The following NCAN variants were observed in gnomAD, a reference collection of about 807,000 sequenced individuals.
The protein encoded by NCAN is neurocan, also known as neurocan core protein.
Under a neutral mutation model 121.8 loss-of-function variants are expected in NCAN, and 47 were observed. The ratio of observed to expected loss-of-function variants is 0.39; its 90% confidence interval spans 0.31 to 0.49. NCAN has a LOEUF of 0.49. Among genes scored for constraint, NCAN ranks in the 20% least tolerant of loss-of-function variants. The probability of loss-of-function intolerance (pLI) is 0.92; values close to 1 mark genes in which losing one functional copy is unlikely to be tolerated. For synonymous variants in NCAN, 633 were observed against 702.0 expected, an observed-to-expected ratio of 0.90 and a Z score of 1.55; for missense variants, 1,517 against 1,773.4, an observed-to-expected ratio of 0.86 and a Z score of 2.60.
At chr19:19,240,486 C>G in intron 11 of NCAN, 117 bp from the exon 12 acceptor site, 1 of 919,014 alleles carries the variant, frequency 1.1e-6, no homozygotes, top group Non-Finnish European at 1.8e-6. Flanking sequence ...CACCTCCAGG[C>G]TGGGGAAGGT....
intron 10 of NCAN, among the ~76,000 whole-genome samples, chr19:19,237,566 G>A (rs994678110): frequency 6.6e-6 from 1 of 151,870 alleles, no homozygotes; most frequent in African/African-American, 2.4e-5. Flanking sequence ...TTTTGACATT[G>A]ACAATGAGCA....
intron 3 of NCAN, among the ~76,000 whole-genome samples, chr19:19,221,967 G>T (rs540136981): frequency 5.4e-4 from 82 of 152,260 alleles, no homozygotes; most frequent in Non-Finnish European, 1.0e-3. Context: ...CTCAATAAAT[G>T]ACTCAGTGAA....
At chr19:19,233,709 T>A in intron 8 of NCAN, 80 bp from the exon 9 acceptor site, 1 of 865,440 alleles carries the variant, frequency 1.2e-6, no homozygotes, top group Admixed American at 1.8e-5. Flanking sequence ...TAGAGTGGTT[T>A]GGGGGCCTGG....
At chr19:19,230,953 C>G (rs1472155471) in intron 8 of NCAN, among the ~76,000 whole-genome samples, 2 of 147,284 alleles carry the variant, frequency 1.4e-5, no homozygotes, top group Non-Finnish European at 3.0e-5. Flanking sequence ...CCTATGTTAT[C>G]CAGGCTGGTC....
intron 1 of NCAN, among the ~76,000 whole-genome samples, chr19:19,214,706 T>G (rs2060789650): frequency 6.7e-6 from 1 of 150,200 alleles, no homozygotes; most frequent in Non-Finnish European, 1.5e-5. Context: ...GCTATCTGGA[T>G]GTAGTCTGAC....
chr19:19,235,318 G>A (rs567815790), intron 10 of NCAN, among the ~76,000 whole-genome samples: 1 of 152,296 alleles, frequency 6.6e-6, no homozygotes, highest in South Asian at 2.1e-4. Context: ...CACCCAGGCT[G>A]GAGTGCAGTG....
intron 12 of NCAN, among the ~76,000 whole-genome samples, chr19:19,244,300 C>G (rs985838144): frequency 5.6e-5 from 8 of 143,730 alleles, no homozygotes; most frequent in African/African-American, 1.9e-4. Context: ...CTGTCTGAAC[C>G]CTTACTATCT....
Position 19,225,473 on chromosome 19 carries a change from G to A in NCAN, c.1072+203G>A, listed in dbSNP as rs955455825. Among the ~76,000 whole-genome samples the A allele has an allele frequency of 2.6e-5, 4 of 152,212 alleles. No homozygotes were observed. Among genetic ancestry groups the A allele is most frequent in the Admixed American group, 1.3e-4 (2 of 15,286 alleles). ...CCCTAGGAGCCCCGTCCTGGGTAAA[G>A]AACAGGGCTCCAGAGGAGGCCACTC... is the stretch of plus-strand genomic sequence containing the variant. On this transcript the variant is annotated intron_variant, in intron 6 of 14. Transcript: ENST00000252575. This position sits in a 1 kb window ranked among gnomAD's most constrained non-coding sequence, Gnocchi z 4.0.
Position 19,226,542 on chromosome 19 carries a change from G to T in NCAN, c.1129G>T (p.Gly377Trp), listed in dbSNP as rs760043368. 5.1e-5 allele frequency: 83 copies of T among 1,612,722 alleles called. 1 individual carries two copies. The highest frequency in any genetic ancestry group is 6.9e-5 in the Non-Finnish European group (81 of 1,179,084). Residue 377 changes from glycine (G) to tryptophan (W), a missense_variant, in exon 7 of 15, where the codon GGG (glycine) becomes TGG (tryptophan). Physicochemically the swap from Gly to Trp is radical, Grantham distance 184. Transcript: ENST00000252575. ...DLETPSSGDE[G>W]EILSAEGPPV... is the part of the protein sequence containing the mutation. Reference sequence around the variant, plus strand: ...AGAGACCCCATCCTCTGGGGATGAGGGGGAGATTCTGTCAGCAGAGGGGCC... The same window carrying T: ...AGAGACCCCATCCTCTGGGGATGAGTGGGAGATTCTGTCAGCAGAGGGGCC...
intron 2 of NCAN, 32 bp downstream of exon 2, chr19:19,217,058 G>A (rs944787166): frequency 5.4e-6 from 7 of 1,305,282 alleles, no homozygotes; most frequent in Non-Finnish European, 6.9e-6. Flanking sequence ...GAGAGATTGG[G>A]GTCTAGGGGA....
Position 19,248,721 on chromosome 19 carries a change from C to T in NCAN, c.3659C>T (p.Ala1220Val), listed in dbSNP as rs574933270. 1.2e-5 allele frequency: 20 copies of T among 1,614,196 alleles called. No individual in the cohort carries two copies. In the Admixed American group the frequency reaches 1.3e-4, roughly 11 times the overall value. ...CCAGTGCTCTGTGGTCCCCCTCCGG[C>T]AGTGGAGAATGCCTCACTCATCGGT... ...KGTVLCGPPP[A>V]VENASLIGAR... Residue 1220 changes from alanine to valine, a missense_variant, in exon 14 of 15, where the codon GCA becomes GTA. By Grantham distance (64) the Ala-to-Val change is moderately conservative. Coordinates refer to ENST00000252575, the MANE Select transcript of NCAN (RefSeq NM_004386.3).
At chr19:19,229,188 G>A (rs947753900) in intron 8 of NCAN, among the ~76,000 whole-genome samples, 2 of 152,212 alleles carry the variant, frequency 1.3e-5, no homozygotes, top group Admixed American at 1.3e-4. Flanking sequence ...CAGCCTGGGT[G>A]ACAGAGTGAG....
At chr19:19,234,248 G>C (rs1477313744) in intron 9 of NCAN, among the ~76,000 whole-genome samples, 1 of 152,148 alleles carries the variant, frequency 6.6e-6, no homozygotes, top group African/African-American at 2.4e-5. Flanking sequence ...ACTGCCACCA[G>C]AACTGTTGGG....
chr19:19,233,710 G>T, intron 8 of NCAN, 79 bp from the exon 9 acceptor site: 1 of 869,568 alleles, frequency 1.2e-6, no homozygotes, highest in Non-Finnish European at 2.0e-6. Context: ...AGAGTGGTTT[G>T]GGGGCCTGGG....
At chr19:19,223,850 T>G (rs965235861) in intron 3 of NCAN, among the ~76,000 whole-genome samples, 171 bp from the exon 4 acceptor site, 15 of 152,194 alleles carry the variant, frequency 9.9e-5, no homozygotes, top group African/African-American at 3.6e-4. Flanking sequence ...TTTCCTCATC[T>G]GTAAAATGGG....
In NCAN at chr19:19,250,447, T is replaced by C. The variant is rs1454487368; in HGVS notation, c.*536T>C. 3.3e-6 allele frequency: 1 copy of C among 307,538 alleles called. No homozygotes were observed. Among genetic ancestry groups the C allele is most frequent in the East Asian group, 8.4e-5 (1 of 11,874 alleles). The allele number at this position is 307,538 out of a possible 1,614,324, so 19.1% of individuals were successfully genotyped here. A position where few individuals can be genotyped will look rare whatever the true frequency, so the allele number is the denominator to read the frequency against. On this transcript the variant is annotated 3_prime_UTR_variant, in exon 15 of 15. Transcript: ENST00000252575. The stretch of plus-strand genomic sequence containing the variant: ...CTTTACCCTGGACTTCAGCCCAAGT[T>C]CCGTCTTTGGTCTTGGTGGATAAAC...
At chr19:19,235,459 A>G (rs973680591) in intron 10 of NCAN, among the ~76,000 whole-genome samples, 1 of 149,794 alleles carries the variant, frequency 6.7e-6, no homozygotes, top group South Asian at 2.1e-4. Flanking sequence ...TTTAGTAGAG[A>G]TGGGGTTTTG....
intron 12 of NCAN, among the ~76,000 whole-genome samples, chr19:19,244,797 C>T (rs560248926): frequency 7.3e-4 from 110 of 149,850 alleles, no homozygotes; most frequent in African/African-American, 1.6e-3. Context: ...AGCGCAATCT[C>T]GGCTCACTGC....
intron 1 of NCAN, among the ~76,000 whole-genome samples, chr19:19,213,188 G>A (rs142520824): frequency 0.012 from 1,851 of 152,276 alleles, 15 homozygotes; most frequent in Non-Finnish European, 0.018. Flanking sequence ...GAACCCAGCC[G>A]TCGCAATAGC....
Sources: allele counts gnomAD v4.1 joint callset (sites outside exome capture counted in the v4.1 genomes callset), GRCh38; gene constraint gnomAD v4.1.1; non-coding constraint Gnocchi (gnomAD v3.1); transcripts MANE v1.5; gene names NCBI Gene and HGNC (gene_info 2026-07-23, HGNC 2026-07-21).